SH3RF3: variants seen among roughly 807,000 people sequenced by gnomAD.
The protein encoded by SH3RF3 is E3 ubiquitin-protein ligase SH3RF3.
Under a neutral mutation model 66.3 loss-of-function variants are expected in SH3RF3, and 29 were observed. The observed-to-expected ratio is 0.44, with a 90% CI of 0.33 to 0.60. The LOEUF (loss-of-function observed/expected upper bound fraction) is 0.60, where lower values mean the gene tolerates loss of function less well. SH3RF3 is among the 20% of genes least tolerant of loss of function. The pLI is 0.04. For missense variants in SH3RF3, 1,194 were observed against 1,190.9 expected, an observed-to-expected ratio of 1.00 and a Z score of -0.04; for synonymous variants, 583 against 532.0, an observed-to-expected ratio of 1.10 and a Z score of -1.32.
chr2:109,354,450 C>T (rs1682904660), intron 2 of SH3RF3, among the ~76,000 whole-genome samples: 1 of 152,248 alleles, frequency 6.6e-6, no homozygotes, highest in African/African-American at 2.4e-5. Flanking sequence ...CCACTCATGG[C>T]CAGGCAGGGA....
chr2:109,365,364 T>C (rs1683134991), intron 2 of SH3RF3, among the ~76,000 whole-genome samples: 1 of 152,228 alleles, frequency 6.6e-6, no homozygotes, highest in Non-Finnish European at 1.5e-5. Flanking sequence ...CAGGCCCTCC[T>C]AGCCGAGCAC....
chr2:109,145,523 T>C lies in SH3RF3; in HGVS notation c.573+15410T>C, dbSNP rs142817202. Among the ~76,000 whole-genome samples the C allele has an allele frequency of 1.1e-3, 167 of 152,308 alleles. 1 individual carries two copies. The highest frequency in any genetic ancestry group is 3.9e-3 in the African/African-American group (161 of 41,582). On this transcript the variant is annotated intron_variant, in intron 1 of 9. Coordinates refer to ENST00000309415, the MANE Select transcript of SH3RF3 (RefSeq NM_001099289.3). ...GTGGGAGGCTGCAGAGAAGCCCTCA[T>C]GAAAGGGGCTGCTTCCTCACACATC...
intron 1 of SH3RF3, among the ~76,000 whole-genome samples, chr2:109,152,235 G>A (rs1420970440): frequency 2.0e-5 from 3 of 152,222 alleles, no homozygotes; most frequent in Admixed American, 6.5e-5. Context: ...TTCATTTTCC[G>A]AGGTGACAGG....
chr2:109,295,011 A>G (rs1681275482), intron 1 of SH3RF3, among the ~76,000 whole-genome samples: 1 of 152,248 alleles, frequency 6.6e-6, no homozygotes, highest in Non-Finnish European at 1.5e-5. Context: ...AAGCTATTCC[A>G]TGGATTAGCC....
rs371194722 is a variant in SH3RF3, at chr2:109,215,942, G to A, written c.573+85829G>A. ...GGAACTGGGCTTCTACCGTGCCAGCGGCCACGTGAGCTGGGTGCCCATGTC... is the reference window on the plus strand; with the variant it reads ...GGAACTGGGCTTCTACCGTGCCAGCAGCCACGTGAGCTGGGTGCCCATGTC... On this transcript the variant is annotated intron_variant, in intron 1 of 9. Coordinates refer to ENST00000309415, the MANE Select transcript of SH3RF3 (RefSeq NM_001099289.3). Among the ~76,000 whole-genome samples, 9 of 152,286 alleles carry A rather than the reference G, an allele frequency of 5.9e-5. No homozygotes were observed. The East Asian group carries it at 1.7e-3, about 29-fold the overall frequency.
At chr2:109,298,118 G>T (rs993587556) in intron 1 of SH3RF3, among the ~76,000 whole-genome samples, 1 of 152,198 alleles carries the variant, frequency 6.6e-6, no homozygotes, top group Non-Finnish European at 1.5e-5. Context: ...GGATGCAGAG[G>T]TGAATAGGGC....
At chr2:109,250,600 GTAA>G (rs960805564) in intron 1 of SH3RF3, among the ~76,000 whole-genome samples, 3 of 151,468 alleles carry the variant, frequency 2.0e-5, no homozygotes, top group Admixed American at 6.6e-5. Context: ...AATAATAACA[GTAA>G]TAATAATAAT....
In SH3RF3 at chr2:109,501,713, G is replaced by A. The variant is rs778104105; in HGVS notation, c.*42G>A. ...CACCCAGCTCACAGAGGGGGAGGCC[G>A]CCTGGGAAGCTCCACGGCACACAGA... On this transcript the variant is annotated 3_prime_UTR_variant, in exon 10 of 10. Transcript: ENST00000309415. The A allele has an allele frequency of 2.2e-5, 16 of 717,616 alleles. No homozygotes were observed. The highest frequency in any genetic ancestry group is 1.0e-4 in the African/African-American group (6 of 57,538). 44.5% of individuals were successfully genotyped at this position (717,616 alleles called of 1,614,324 possible).
intron 8 of SH3RF3, among the ~76,000 whole-genome samples, chr2:109,475,080 C>T (rs1422433827): frequency 1.3e-5 from 2 of 152,104 alleles, no homozygotes; most frequent in East Asian, 1.9e-4. Context: ...CAGGTTCGAG[C>T]GATCCTCCTG....
At chr2:109,371,436 A>G in intron 2 of SH3RF3, 150 bp from the exon 3 acceptor site, 1 of 581,668 alleles carries the variant, frequency 1.7e-6, no homozygotes, top group Middle Eastern at 2.7e-4. Flanking sequence ...CTGGGTGAAG[A>G]TGTCAGATAC....
intron 1 of SH3RF3, among the ~76,000 whole-genome samples, chr2:109,305,073 T>G (rs1022278390): frequency 6.6e-6 from 1 of 152,208 alleles, no homozygotes; most frequent in South Asian, 2.1e-4. Context: ...GAATGTTATT[T>G]GGGTCCATGC....
At chr2:109,229,579 TA>T (rs1186524815) in intron 1 of SH3RF3, among the ~76,000 whole-genome samples, 1 of 152,116 alleles carries the variant, frequency 6.6e-6, no homozygotes, top group Non-Finnish European at 1.5e-5. Context: ...GGGTTTGCAT[TA>T]AAAAGGCACA....
intron 2 of SH3RF3, among the ~76,000 whole-genome samples, chr2:109,366,444 C>A (rs1366873062): frequency 6.6e-6 from 1 of 151,980 alleles, no homozygotes; most frequent in East Asian, 1.9e-4. Flanking sequence ...AGTTCACTAC[C>A]ATTTATATCT....
In SH3RF3 at chr2:109,384,200, C is replaced by T. The variant is rs116582863; in HGVS notation, c.945+12519C>T. The stretch of plus-strand genomic sequence containing the variant: ...CCAGTCCTTAAGCGCCGGCTGCGGG[C>T]CAGGCCCCGGGGATGCAGCCTGAAT... On this transcript the variant is annotated intron_variant, in intron 3 of 9. Transcript: ENST00000309415. 4.1e-3 allele frequency among the ~76,000 whole-genome samples: 626 copies of T among 152,286 alleles called. 8 individuals carry two copies. The highest frequency in any genetic ancestry group is 0.015 in the African/African-American group (605 of 41,566).
chr2:109,227,695 T>C (rs999168796), intron 1 of SH3RF3, among the ~76,000 whole-genome samples: 4 of 152,196 alleles, frequency 2.6e-5, no homozygotes, highest in African/African-American at 9.7e-5. Flanking sequence ...TCCCTGCAGG[T>C]CACAGGATCC....
At chr2:109,357,179 T>A (rs1323289046) in intron 2 of SH3RF3, among the ~76,000 whole-genome samples, 1 of 151,022 alleles carries the variant, frequency 6.6e-6, no homozygotes. Context: ...TTCTTGTTTT[T>A]TGTTTTTTGG....
At chr2:109,240,802 T>TC (rs912074631) in intron 1 of SH3RF3, among the ~76,000 whole-genome samples, 3 of 151,916 alleles carry the variant, frequency 2.0e-5, no homozygotes, top group Non-Finnish European at 2.9e-5. Flanking sequence ...GGGTTTCTCT[T>TC]CTCTTCTAAG....
At chr2:109,469,561 G>C (rs1678448771) in intron 8 of SH3RF3, among the ~76,000 whole-genome samples, 1 of 152,064 alleles carries the variant, frequency 6.6e-6, no homozygotes, top group Non-Finnish European at 1.5e-5. Context: ...AACAGTTAAT[G>C]TGTCCTCTGT....
At chr2:109,287,404 T>C (rs771669506) in intron 1 of SH3RF3, among the ~76,000 whole-genome samples, 5 of 152,188 alleles carry the variant, frequency 3.3e-5, no homozygotes, top group Non-Finnish European at 5.9e-5. Context: ...ATCTGTGGGC[T>C]TACAGTGACA....
Sources: gnomAD v4.1 joint callset for allele counts (sites outside exome capture counted in the v4.1 genomes callset) on GRCh38, gnomAD v4.1.1 for gene constraint, MANE v1.5 for transcripts, NCBI Gene and HGNC (gene_info 2026-07-23, HGNC 2026-07-21) for gene names.